Variants in DPP6 observed in about 807,000 individuals in gnomAD.
DPP6 encodes A-type potassium channel modulatory protein DPP6.
Under a neutral mutation model 122.6 loss-of-function variants are expected in DPP6, and 69 were observed. The ratio of observed to expected loss-of-function variants is 0.56; its 90% CI spans 0.46 to 0.69. DPP6 has a LOEUF of 0.69. Among genes scored for constraint, DPP6 ranks in the 30% least tolerant of loss-of-function variants. The pLI is 0.00. For missense variants in DPP6, 928 were observed against 1,116.9 expected, an observed-to-expected ratio of 0.83 and a Z score of 2.41; for synonymous variants, 418 against 433.1, an observed-to-expected ratio of 0.97 and a Z score of 0.43.
intron 20 of DPP6, among the ~76,000 whole-genome samples, chr7:154,878,174 G>C (rs1186528648): frequency 6.6e-6 from 1 of 152,228 alleles, no homozygotes; most frequent in Non-Finnish European, 1.5e-5. Context: ...GGCAGGCCCA[G>C]GGGAAAGTCG....
chr7:153,838,954 G>A, the DPP6 span, among the ~76,000 whole-genome samples: 2 of 152,156 alleles, frequency 1.3e-5, no homozygotes, highest in African/African-American at 4.8e-5. Flanking sequence ...GTTCTCAAAT[G>A]TGCCATTTGA....
intron 8 of DPP6, among the ~76,000 whole-genome samples, chr7:154,747,108 C>G (rs1843072840): frequency 6.6e-6 from 1 of 152,186 alleles, no homozygotes; most frequent in South Asian, 2.1e-4. Context: ...CTCATGAGCT[C>G]ACTCTGAGTA....
At chr7:154,091,345 G>A (rs1353222102) in intron 1 of DPP6, among the ~76,000 whole-genome samples, 2 of 152,140 alleles carry the variant, frequency 1.3e-5, no homozygotes, top group Admixed American at 6.5e-5. Context: ...AAGGGCTTAC[G>A]TATTTTGAGC....
At chr7:153,808,769 T>C in the DPP6 span, among the ~76,000 whole-genome samples, 1 of 152,070 alleles carries the variant, frequency 6.6e-6, no homozygotes, top group East Asian at 1.9e-4. Context: ...ATTTGATAGT[T>C]ACTACAATTT....
At chr7:154,389,927 G>A (rs1405246749) in intron 1 of DPP6, among the ~76,000 whole-genome samples, 2 of 152,222 alleles carry the variant, frequency 1.3e-5, no homozygotes, top group Non-Finnish European at 2.9e-5. Flanking sequence ...AGCCTTGTAA[G>A]AATAGCTGTT....
rs1800769129 is a variant in DPP6 at position 154,833,220 on chromosome 7, C to G, written c.1667-20560C>G. 6.6e-6 allele frequency among the ~76,000 whole-genome samples: 1 copy of G among 152,104 alleles called. No homozygotes were observed. Among genetic ancestry groups the G allele is most frequent in the Non-Finnish European group, 1.5e-5 (1 of 68,016 alleles). ...GCAGAAGAGTGAGGGTCCCGGGGTC[C>G]CAGTGCCCTGCCAGCATATTGTCGT... On this transcript the variant is annotated intron_variant, in intron 16 of 25. Coordinates refer to ENST00000377770, the MANE Select transcript of DPP6 (RefSeq NM_130797.4). This position sits in a 1 kb window ranked among gnomAD's most constrained non-coding sequence, Gnocchi z 4.3.
At chr7:154,856,376 G>A (rs1802829575) in intron 17 of DPP6, among the ~76,000 whole-genome samples, 1 of 152,190 alleles carries the variant, frequency 6.6e-6, no homozygotes, top group Non-Finnish European at 1.5e-5. Context: ...GCTGGATCAA[G>A]TCAACACAGT....
At chr7:154,049,304 TTGTGTGTGTG>T (rs66669803), upstream of DPP6, among the ~76,000 whole-genome samples, 2 of 122,024 alleles carry the variant, frequency 1.6e-5, no homozygotes, top group South Asian at 2.8e-4. Context: ...TTTTCCTTGT[TTGTGTGTGTG>T]TGTGTGTGTG....
intron 1 of DPP6, among the ~76,000 whole-genome samples, chr7:153,961,493 G>A (rs1258186862): frequency 1.3e-5 from 2 of 150,488 alleles, no homozygotes; most frequent in Non-Finnish European, 3.0e-5. Context: ...ACCTGCTACA[G>A]CAGCAGTCCC....
chr7:154,270,920 G>A (rs983255352), intron 1 of DPP6, among the ~76,000 whole-genome samples: 4 of 152,106 alleles, frequency 2.6e-5, no homozygotes, highest in Non-Finnish European at 4.4e-5. Context: ...GCCCCAGTCC[G>A]TGTGGGTCAA....
intron 1 of DPP6, among the ~76,000 whole-genome samples, chr7:154,279,031 GTGT>G (rs1804328093): frequency 6.6e-6 from 1 of 151,724 alleles, no homozygotes. Flanking sequence ...TGTGTGGTAT[GTGT>G]ATGTATGGGC....
chr7:154,128,757 G>T (rs1348911516), intron 1 of DPP6, among the ~76,000 whole-genome samples: 2 of 150,846 alleles, frequency 1.3e-5, no homozygotes, highest in African/African-American at 4.9e-5. Context: ...TCATCTGACG[G>T]CAGCCTTGCC....
chr7:153,755,526 A>G, the DPP6 span, among the ~76,000 whole-genome samples: 1 of 151,102 alleles, frequency 6.6e-6, no homozygotes, highest in Non-Finnish European at 1.5e-5. Flanking sequence ...TCTCATAAGA[A>G]GCAAAACCTA....
intron 1 of DPP6, among the ~76,000 whole-genome samples, chr7:153,919,772 GTTAAA>G (rs1326884605): frequency 6.6e-6 from 1 of 152,000 alleles, no homozygotes; most frequent in Admixed American, 6.6e-5. Flanking sequence ...GAATTTCTCC[GTTAAA>G]TTATTCAGTC....
intron 1 of DPP6, among the ~76,000 whole-genome samples, chr7:154,321,554 C>T (rs994775370): frequency 3.9e-5 from 6 of 151,924 alleles, no homozygotes; most frequent in Non-Finnish European, 5.9e-5. Context: ...GAGGCTGAGG[C>T]GGGCGGATCA....
At chr7:154,728,467 A>G (rs1842177932) in intron 8 of DPP6, among the ~76,000 whole-genome samples, 1 of 152,200 alleles carries the variant, frequency 6.6e-6, no homozygotes, top group Non-Finnish European at 1.5e-5. Context: ...CAGAGGGGGA[A>G]GCTCTCTTCT....
chr7:154,351,856 C>G (rs1350486521), intron 1 of DPP6, among the ~76,000 whole-genome samples: 1 of 152,174 alleles, frequency 6.6e-6, no homozygotes, highest in Non-Finnish European at 1.5e-5. Context: ...CAAGAACAGG[C>G]TACTGCATGG....
intron 1 of DPP6, among the ~76,000 whole-genome samples, chr7:154,319,506 C>T (rs1807735143): frequency 6.6e-6 from 1 of 151,960 alleles, no homozygotes; most frequent in Non-Finnish European, 1.5e-5. Flanking sequence ...CCAGCCTGGC[C>T]AACATGGTGA....
In DPP6 at chr7:154,649,533, C is replaced by T. The variant is rs565012763; in HGVS notation, c.680+11660C>T. Reference sequence around the variant, plus strand: ...ACTACCCCAGGACTGACTTTTTTGACCCCCTGCCCTCCGCCCGGTCACTGT... The same window carrying T: ...ACTACCCCAGGACTGACTTTTTTGATCCCCTGCCCTCCGCCCGGTCACTGT... On this transcript the variant is annotated intron_variant, in intron 6 of 25. Transcript: ENST00000377770. Among the ~76,000 whole-genome samples the T allele has an allele frequency of 2.3e-4, 35 of 152,266 alleles. No individual in the cohort carries two copies. In the South Asian group the frequency reaches 7.0e-3, roughly 31 times the overall value.
Sources: allele counts gnomAD v4.1 joint callset (sites outside exome capture counted in the v4.1 genomes callset), GRCh38; gene constraint gnomAD v4.1.1; non-coding constraint Gnocchi (gnomAD v3.1); transcripts MANE v1.5; gene names NCBI Gene and HGNC (gene_info 2026-07-23, HGNC 2026-07-21).